LOC128462377: variants seen among roughly 807,000 people sequenced by gnomAD.
chr16:89,329,975 C>T, the LOC128462377 span, among the ~76,000 whole-genome samples: 2 of 147,012 alleles, frequency 1.4e-5, no homozygotes, highest in African/African-American at 5.3e-5. Flanking sequence ...GGGCGACAGA[C>T]AAGAGTGAGA....
At chr16:89,365,680 T>C in the LOC128462377 span, among the ~76,000 whole-genome samples, 9 of 152,304 alleles carry the variant, frequency 5.9e-5, no homozygotes, top group Middle Eastern at 0.017. Context: ...CTGGGCAGTG[T>C]CTGTGGAAGG....
At chr16:89,407,560 C>T in the LOC128462377 span, among the ~76,000 whole-genome samples, 2 of 152,190 alleles carry the variant, frequency 1.3e-5, no homozygotes, top group Non-Finnish European at 2.9e-5. Flanking sequence ...ATGGCTCACA[C>T]CTGCAATCCA....
the LOC128462377 span, among the ~76,000 whole-genome samples, chr16:89,343,055 T>C: frequency 6.6e-6 from 1 of 152,214 alleles, no homozygotes; most frequent in African/African-American, 2.4e-5. Flanking sequence ...AGTCTTGCTG[T>C]TGTCACCCAG....
the LOC128462377 span, among the ~76,000 whole-genome samples, chr16:89,336,752 G>A: frequency 3.9e-5 from 6 of 152,144 alleles, no homozygotes; most frequent in African/African-American, 7.2e-5. Flanking sequence ...TGCTTCTAAT[G>A]TTCTGACTAC....
At chr16:89,412,511 GTATTAAGAC>G in the LOC128462377 span, 1 of 152,410 alleles carries the variant, frequency 6.6e-6, no homozygotes, top group South Asian at 2.1e-4. Flanking sequence ...TGGCAATGAT[GTATTAAGAC>G]ACGCAGAGCC....
the LOC128462377 span, among the ~76,000 whole-genome samples, chr16:89,368,398 T>G: frequency 0.029 from 4,076 of 141,836 alleles, 185 homozygotes; most frequent in African/African-American, 0.075. Context: ...TTTTTTTTTT[T>G]TTTTAGTAGA....
chr16:89,327,598 A>T, the LOC128462377 span, among the ~76,000 whole-genome samples: 8 of 152,236 alleles, frequency 5.3e-5, no homozygotes, highest in Admixed American at 2.0e-4. Context: ...AGAAATAAAG[A>T]CAGTACCATC....
At chr16:89,358,761 G>A in the LOC128462377 span, among the ~76,000 whole-genome samples, 1 of 152,082 alleles carries the variant, frequency 6.6e-6, no homozygotes, top group Non-Finnish European at 1.5e-5. Context: ...AACCCCACGT[G>A]CAAACCACTT....
chr16:89,345,749 C>G, the LOC128462377 span, among the ~76,000 whole-genome samples: 3 of 152,138 alleles, frequency 2.0e-5, no homozygotes, highest in African/African-American at 7.2e-5. Flanking sequence ...AAATACACAC[C>G]AGGTGCATGC....
chr16:89,330,945 T>C, the LOC128462377 span, among the ~76,000 whole-genome samples: 1 of 152,190 alleles, frequency 6.6e-6, no homozygotes, highest in African/African-American at 2.4e-5. Context: ...TGAAAAATAT[T>C]ATAAGCAAAA....
At chr16:89,325,290 T>G in the LOC128462377 span, among the ~76,000 whole-genome samples, 1 of 152,106 alleles carries the variant, frequency 6.6e-6, no homozygotes, top group Non-Finnish European at 1.5e-5. Context: ...GTTTAAAAAT[T>G]AGCCGGGCAC....
chr16:89,413,807 C>T, the LOC128462377 span, among the ~76,000 whole-genome samples: 4 of 152,132 alleles, frequency 2.6e-5, no homozygotes, highest in African/African-American at 9.7e-5. Context: ...ACTCTGCACT[C>T]CCACAACGCC....
chr16:89,353,948 A>G, the LOC128462377 span, among the ~76,000 whole-genome samples: 1 of 151,978 alleles, frequency 6.6e-6, no homozygotes, highest in Non-Finnish European at 1.5e-5. Flanking sequence ...GCGGGCAGAG[A>G]TGGAGACATA....
chr16:89,389,013 C>G, the LOC128462377 span, among the ~76,000 whole-genome samples: 14 of 152,174 alleles, frequency 9.2e-5, no homozygotes, highest in Non-Finnish European at 8.8e-5. Flanking sequence ...AGCATCCCAT[C>G]AAATATTCTC....
chr16:89,351,760 C>A, the LOC128462377 span, among the ~76,000 whole-genome samples: 1 of 152,144 alleles, frequency 6.6e-6, no homozygotes, highest in Non-Finnish European at 1.5e-5. Flanking sequence ...CAAGGAGTGA[C>A]GATTAAAGGT....
the LOC128462377 span, among the ~76,000 whole-genome samples, chr16:89,377,760 A>C: frequency 6.6e-6 from 1 of 152,138 alleles, no homozygotes; most frequent in Non-Finnish European, 1.5e-5. Context: ...ACAGTGAGGG[A>C]GGACTGTGAC....
the LOC128462377 span, among the ~76,000 whole-genome samples, chr16:89,401,701 C>T: frequency 6.6e-6 from 1 of 152,146 alleles, no homozygotes; most frequent in African/African-American, 2.4e-5. Flanking sequence ...GCAGATGATC[C>T]AGGTGAGATC....
the LOC128462377 span, among the ~76,000 whole-genome samples, chr16:89,318,349 C>G: frequency 2.0e-5 from 3 of 152,346 alleles, no homozygotes; most frequent in East Asian, 5.8e-4. Context: ...CACCCACACC[C>G]AAAGCCACTG....
the LOC128462377 span, among the ~76,000 whole-genome samples, chr16:89,398,331 G>A: frequency 8.4e-6 from 1 of 119,002 alleles, no homozygotes; most frequent in East Asian, 2.6e-4. Flanking sequence ...AACAGCTGAA[G>A]ACTACCTGTG....
Sources: gnomAD v4.1 joint callset for allele counts (sites outside exome capture counted in the v4.1 genomes callset) on GRCh38, gnomAD v4.1.1 for gene constraint, MANE v1.5 for transcripts.